Variants in TDRD7 observed in about 807,000 individuals in gnomAD.
The protein encoded by TDRD7 is tudor domain containing 7.
Under a neutral mutation model 109.8 loss-of-function variants are expected in TDRD7, and 47 were observed. That is an observed-to-expected ratio of 0.43 (90% CI 0.34 to 0.55). The LOEUF (loss-of-function observed/expected upper bound fraction) is 0.55, where lower values mean the gene tolerates loss of function less well. Among genes scored for constraint, TDRD7 ranks in the 20% least tolerant of loss-of-function variants. TDRD7 has a pLI of 0.03. For missense variants in TDRD7, 1,164 were observed against 1,319.2 expected (o/e 0.88, Z 1.82); for synonymous variants, 424 against 457.3 (o/e 0.93, Z 0.93).
chr9:97,446,751 GTAAT>G (rs1385179001), intron 6 of TDRD7, among the ~76,000 whole-genome samples: 1 of 152,008 alleles, frequency 6.6e-6, no homozygotes, highest in African/African-American at 2.4e-5. Flanking sequence ...TTTAATTACG[GTAAT>G]TAATTGTATG....
chr9:97,422,462 A>C (rs1170363560), intron 1 of TDRD7, among the ~76,000 whole-genome samples: 2 of 152,194 alleles, frequency 1.3e-5, no homozygotes, highest in African/African-American at 4.8e-5. Context: ...CCATTGATCT[A>C]TATGATTGTT....
chr9:97,432,088 C>T lies in TDRD7; in HGVS notation c.413C>T (p.Pro138Leu), dbSNP rs1247144734. ...TCAAATTTTTCTGTTGGCAAAAAAC[C>T]TAATCCAGCACCGTTAAGAGACAAA... ...FASNFSVGKK[P>L]NPAPLRDKGN... is the part of the protein sequence containing the mutation. The change falls in exon 4 of 17, where the codon CCT becomes CTT. Residue 138 changes from proline to leucine, a missense_variant. Physicochemically the swap from Pro to Leu is moderately conservative, Grantham distance 98. Transcript: ENST00000355295. 1.2e-6 allele frequency: 2 copies of T among 1,613,846 alleles called. No homozygotes were observed. Among genetic ancestry groups the T allele is most frequent in the Non-Finnish European group, 1.7e-6 (2 of 1,179,798 alleles).
In TDRD7 at chr9:97,464,936, G is replaced by T; in HGVS notation, c.1537G>T (p.Ala513Ser). ...SKNPKITPVQ[A>S]VNVGQLLAVN... ...GAATCCTAAGATCACACCAGTCCAG[G>T]CTGTGAATGTTGGGCAGTTGCTGGC... Residue 513 changes from alanine to serine, a missense_variant, in exon 8 of 17, where the codon GCT becomes TCT. Ala to Ser is a moderately conservative substitution (Grantham distance 99). Around this residue, in one of 5 missense-constraint regions of TDRD7, gnomAD observed 261 missense variants for 336.2 expected, o/e 0.78. Transcript: ENST00000355295. 2 of 1,614,180 alleles carry T rather than the reference G, an allele frequency of 1.2e-6. No homozygotes were observed. Among genetic ancestry groups the T allele is most frequent in the South Asian group, 2.2e-5 (2 of 91,086 alleles).
intron 7 of TDRD7, among the ~76,000 whole-genome samples, chr9:97,462,993 G>T (rs1437832643): frequency 6.6e-6 from 1 of 152,276 alleles, no homozygotes; most frequent in Non-Finnish European, 1.5e-5. Flanking sequence ...CTAGGGGGAG[G>T]CCCAGTGAGA....
At chr9:97,423,063 C>T (rs1366692514) in intron 1 of TDRD7, among the ~76,000 whole-genome samples, 1 of 152,202 alleles carries the variant, frequency 6.6e-6, no homozygotes, top group Non-Finnish European at 1.5e-5. Flanking sequence ...GAAATGTTCT[C>T]TTCCCTCTGT....
intron 6 of TDRD7, 152 bp downstream of exon 6, chr9:97,442,027 T>C (rs1828315715): frequency 7.1e-6 from 5 of 706,382 alleles, no homozygotes; most frequent in Non-Finnish European, 1.3e-5. Context: ...TTAACATATG[T>C]CAGTTCTTAT....
At chr9:97,430,606 A>G (rs776666216) in intron 2 of TDRD7, among the ~76,000 whole-genome samples, 10 of 152,172 alleles carry the variant, frequency 6.6e-5, no homozygotes, top group Non-Finnish European at 1.5e-4. Context: ...CACAGATTAT[A>G]TGATATTATA....
At chr9:97,472,658 G>A (rs761634374) in intron 10 of TDRD7, among the ~76,000 whole-genome samples, 163 bp downstream of exon 10, 1 of 152,090 alleles carries the variant, frequency 6.6e-6, no homozygotes, top group Non-Finnish European at 1.5e-5. Context: ...GTACCAAAAT[G>A]TTCAGAGTAA....
chr9:97,472,640 G>A, intron 10 of TDRD7, 145 bp downstream of exon 10: 1 of 748,252 alleles, frequency 1.3e-6, no homozygotes, highest in Admixed American at 2.1e-5. Flanking sequence ...GGGCTAGAAG[G>A]GAAAAAAGTA....
intron 5 of TDRD7, among the ~76,000 whole-genome samples, chr9:97,440,722 A>T (rs1035899530): frequency 6.6e-6 from 1 of 152,158 alleles, no homozygotes; most frequent in Non-Finnish European, 1.5e-5. Flanking sequence ...CCTGCAAATT[A>T]AAAATTACTG....
intron 3 of TDRD7, 29 bp from the exon 4 acceptor site, chr9:97,431,996 G>A (rs1295892187): frequency 6.2e-7 from 1 of 1,602,970 alleles, no homozygotes; most frequent in South Asian, 1.1e-5. Context: ...GATGCTAATT[G>A]ATTTCGTTAT....
chr9:97,434,383 C>G (rs1270448029), intron 4 of TDRD7, among the ~76,000 whole-genome samples: 3 of 152,090 alleles, frequency 2.0e-5, no homozygotes, highest in Non-Finnish European at 4.4e-5. Flanking sequence ...TGTGGACGTA[C>G]ACAATTTCAG....
intron 1 of TDRD7, among the ~76,000 whole-genome samples, chr9:97,427,477 C>T (rs930532585): frequency 6.6e-6 from 1 of 152,132 alleles, no homozygotes; most frequent in Non-Finnish European, 1.5e-5. Context: ...ATGTCAAGTA[C>T]CCCATATAAG....
intron 7 of TDRD7, among the ~76,000 whole-genome samples, chr9:97,463,563 C>T (rs1828767868): frequency 6.6e-6 from 1 of 152,158 alleles, no homozygotes; most frequent in Non-Finnish European, 1.5e-5. Flanking sequence ...TGTGGCATCT[C>T]CCCTGTCTCC....
At chr9:97,454,710 C>G (rs1366907894) in intron 6 of TDRD7, among the ~76,000 whole-genome samples, 1 of 152,110 alleles carries the variant, frequency 6.6e-6, no homozygotes, top group African/African-American at 2.4e-5. Flanking sequence ...AATGTATAGT[C>G]TAAATGCCCA....
chr9:97,435,374 A>G (rs1828176076), intron 4 of TDRD7, among the ~76,000 whole-genome samples: 1 of 151,970 alleles, frequency 6.6e-6, no homozygotes, highest in African/African-American at 2.4e-5. Flanking sequence ...TCATGCCTGT[A>G]ATTCCAACAC....
intron 1 of TDRD7, among the ~76,000 whole-genome samples, chr9:97,417,907 G>A (rs909494534): frequency 2.0e-5 from 3 of 152,100 alleles, no homozygotes; most frequent in East Asian, 3.9e-4. Flanking sequence ...CAGGTGGATC[G>A]TGAGGTCAGG....
Position 97,495,976 on chromosome 9 carries a change from C to G in TDRD7, c.*93C>G, listed in dbSNP as rs978952463. 55 of 954,950 alleles carry G rather than the reference C, an allele frequency of 5.8e-5. No individual in the cohort carries two copies. Among genetic ancestry groups the G allele is most frequent in the Non-Finnish European group, 7.8e-5 (46 of 592,866 alleles). 59.2% of individuals were successfully genotyped at this position (954,950 alleles called of 1,614,324 possible). ...AAAAAATCTTAACTCTGCTACATGG[C>G]TCTGACTGCTGTGGGGGATTGAAAA... On this transcript the variant is annotated 3_prime_UTR_variant, in exon 17 of 17. Coordinates refer to ENST00000355295, the MANE Select transcript of TDRD7 (RefSeq NM_014290.3).
chr9:97,441,769 A>G lies in TDRD7; in HGVS notation c.749A>G (p.Asn250Ser), dbSNP rs773918141. 3.1e-6 allele frequency: 5 copies of G among 1,613,834 alleles called. No homozygotes were observed. The highest frequency in any genetic ancestry group is 2.2e-5 in the East Asian group (1 of 44,814). ...AAGGAAATACTAAACAAGCATAACA[A>G]TGGCATTTGGATATCTAAGCTTCCA... Reference protein sequence around the residue: ...RIKEILNKHNNGIWISKLPHF... With the variant: ...RIKEILNKHNSGIWISKLPHF... Residue 250 changes from asparagine to serine, a missense_variant, in exon 6 of 17, where the codon AAT (asparagine) becomes AGT (serine). By Grantham distance (46) the Asn-to-Ser change is conservative. Around this residue, in one of 5 missense-constraint regions of TDRD7, gnomAD observed 407 missense variants for 394.0 expected, o/e 1.03. Transcript: ENST00000355295.
Sources: allele counts gnomAD v4.1 joint callset (sites outside exome capture counted in the v4.1 genomes callset), GRCh38; gene constraint gnomAD v4.1.1; regional missense constraint gnomAD v4.1.1; transcripts MANE v1.5; gene names NCBI Gene and HGNC (gene_info 2026-07-23, HGNC 2026-07-21).